Variants in ARID1B observed in about 807,000 individuals in gnomAD.
ARID1B encodes the protein AT-rich interactive domain-containing protein 1B.
Under a neutral mutation model 212.3 loss-of-function variants are expected in ARID1B, and 30 were observed. The ratio of observed to expected loss-of-function variants is 0.14; its 90% CI spans 0.11 to 0.19. ARID1B has a LOEUF of 0.19. Among genes scored for constraint, ARID1B ranks in the 10% least tolerant of loss-of-function variants. ARID1B has a pLI of 1.00. For missense variants in ARID1B, 2,891 were observed against 3,204.0 expected, an observed-to-expected ratio of 0.90 and a Z score of 2.36; for synonymous variants, 1,402 against 1,301.7, an observed-to-expected ratio of 1.08 and a Z score of -1.66.
chr6:156,803,217 C>T (rs1247168955), intron 1 of ARID1B, among the ~76,000 whole-genome samples: 1 of 152,076 alleles, frequency 6.6e-6, no homozygotes, highest in Non-Finnish European at 1.5e-5. Context: ...TGGTCTTGTA[C>T]ATTTATTAAG....
rs1491291654 is a variant in ARID1B at position 156,896,600 on chromosome 6, A to AAAAAG, written c.1987-4776_1987-4775insAAAAG. Among the ~76,000 whole-genome samples, 276 of 146,278 alleles carry AAAAAG rather than the reference A, an allele frequency of 1.9e-3. 3 individuals are homozygous for AAAAAG. Among genetic ancestry groups the AAAAAG allele is most frequent in the African/African-American group, 6.8e-3 (264 of 38,796 alleles). ...TCAAAAAAAAAAAAAAAAAAAAAAA[A>AAAAAG]GAGGACACAGTGGCTCACGCCTGTA... On this transcript the variant is annotated intron_variant, in intron 2 of 19. Coordinates refer to ENST00000636930, the MANE Select transcript of ARID1B (RefSeq NM_001374828.1).
At chr6:157,067,958 A>G (rs1054907837) in intron 4 of ARID1B, among the ~76,000 whole-genome samples, 12 of 152,224 alleles carry the variant, frequency 7.9e-5, no homozygotes, top group Non-Finnish European at 1.3e-4. Flanking sequence ...ACCTAAAACA[A>G]TCGTAGGTAC....
At chr6:156,944,219 A>G (rs77739166) in intron 4 of ARID1B, among the ~76,000 whole-genome samples, 9,650 of 152,266 alleles carry the variant, frequency 0.063, 366 homozygotes, top group Non-Finnish European at 0.075. Context: ...GTGCGGGTAC[A>G]TTGAAATCTT....
chr6:156,957,544 T>TGA (rs1171235343), intron 4 of ARID1B, among the ~76,000 whole-genome samples: 2 of 152,302 alleles, frequency 1.3e-5, no homozygotes, highest in East Asian at 3.9e-4. Flanking sequence ...ACTTGGCATC[T>TGA]TTCTCATAGC....
chr6:156,847,927 G>A (rs995810363), intron 2 of ARID1B, among the ~76,000 whole-genome samples: 5 of 152,084 alleles, frequency 3.3e-5, no homozygotes, highest in African/African-American at 1.2e-4. Context: ...TCAGAGCAAG[G>A]GTGTTGTAAT....
chr6:157,026,851 G>A (rs1780698118), intron 4 of ARID1B, among the ~76,000 whole-genome samples: 1 of 152,140 alleles, frequency 6.6e-6, no homozygotes, highest in Admixed American at 6.5e-5. Context: ...GTGAAGGGGA[G>A]CAGAGTGGAA....
intron 4 of ARID1B, among the ~76,000 whole-genome samples, chr6:156,958,122 C>G (rs1794101095): frequency 6.6e-6 from 1 of 152,208 alleles, no homozygotes; most frequent in Non-Finnish European, 1.5e-5. Context: ...CCACATCCAT[C>G]CCACTGCACA....
At chr6:157,123,129 T>C (rs1787861566) in intron 6 of ARID1B, among the ~76,000 whole-genome samples, 1 of 151,708 alleles carries the variant, frequency 6.6e-6, no homozygotes, top group Non-Finnish European at 1.5e-5. Context: ...TCAGGGCCCT[T>C]CTCCTCACAT....
At chr6:157,173,951 G>A in intron 9 of ARID1B, 57 bp from the exon 10 acceptor site, 2 of 1,469,366 alleles carry the variant, frequency 1.4e-6, no homozygotes, top group Non-Finnish European at 1.9e-6. Flanking sequence ...GTTGGCAGGA[G>A]TACAGTCTGA....
At chr6:156,892,038 ATTTTCTTTTTTTTTTTT>A (rs1359927227) in intron 2 of ARID1B, among the ~76,000 whole-genome samples, 48 of 127,594 alleles carry the variant, frequency 3.8e-4, no homozygotes, top group East Asian at 2.7e-3. Flanking sequence ...CACCCAGCGA[ATTTTCTTTTTTTTTTTT>A]TTTTCTTTTT....
intron 4 of ARID1B, among the ~76,000 whole-genome samples, chr6:157,004,909 T>TTG (rs1562542354): frequency 3.4e-4 from 38 of 112,606 alleles, no homozygotes; most frequent in Non-Finnish European, 3.5e-4. Flanking sequence ...TTTTTTTTTT[T>TTG]TTTTTTTTTT....
chr6:156,895,897 T>C (rs536275969), intron 2 of ARID1B, among the ~76,000 whole-genome samples: 24 of 152,380 alleles, frequency 1.6e-4, no homozygotes, highest in Middle Eastern at 3.4e-3. Flanking sequence ...TTCTATACTT[T>C]TGCTACATGT....
intron 4 of ARID1B, among the ~76,000 whole-genome samples, chr6:156,981,747 A>G (rs1777616369): frequency 6.6e-6 from 1 of 152,128 alleles, no homozygotes; most frequent in Non-Finnish European, 1.5e-5. Context: ...GCATTATACT[A>G]TACTTATACT....
At chr6:157,079,808 C>A (rs945619764) in intron 4 of ARID1B, among the ~76,000 whole-genome samples, 2 of 151,956 alleles carry the variant, frequency 1.3e-5, no homozygotes, top group Admixed American at 6.5e-5. Context: ...GCACTTGGCA[C>A]AAGAAGTCAC....
At chr6:157,080,391 C>G (rs1784567423) in intron 4 of ARID1B, among the ~76,000 whole-genome samples, 1 of 152,144 alleles carries the variant, frequency 6.6e-6, no homozygotes, top group Admixed American at 6.5e-5. Context: ...ACCATCAAAA[C>G]CAAATATGTC....
chr6:157,061,035 G>A (rs896499870), intron 4 of ARID1B, among the ~76,000 whole-genome samples: 1 of 152,168 alleles, frequency 6.6e-6, no homozygotes, highest in Non-Finnish European at 1.5e-5. Context: ...GATGGGCAGA[G>A]GGTCTTGTGT....
rs2114952623 is a variant in ARID1B at position 156,777,756 on chromosome 6, C to T, written c.76C>T (p.Arg26Trp). ...GGCGCGGGCAGGCAGCGGCGAACGGCGGGCGCCCCCCGGGCCGCGGCCGGC... is the reference window on the plus strand; with the variant it reads ...GGCGCGGGCAGGCAGCGGCGAACGGTGGGCGCCCCCCGGGCCGCGGCCGGC... ...ARARAGSGER[R>W]APPGPRPAPG... The change falls in exon 1 of 20, where the codon CGG becomes TGG. Residue 26 changes from arginine to tryptophan, a missense_variant. Arg to Trp is a moderately radical substitution (Grantham distance 101). Around this residue, in one of 7 missense-constraint regions of ARID1B, gnomAD observed 1,643 missense variants for 1,544.0 expected, o/e 1.06. Transcript: ENST00000636930. 1.1e-5 allele frequency: 6 copies of T among 542,412 alleles called. No individual in the cohort carries two copies. The highest frequency in any genetic ancestry group is 8.0e-5 in the South Asian group (1 of 12,538). The allele number at this position is 542,412 out of a possible 1,614,324, so 33.6% of individuals were successfully genotyped here. A position where few individuals can be genotyped will look rare whatever the true frequency, so the allele number is the denominator to read the frequency against.
intron 4 of ARID1B, among the ~76,000 whole-genome samples, chr6:157,057,593 AT>A: frequency 6.6e-6 from 1 of 152,238 alleles, no homozygotes. Context: ...TTGGCACGTT[AT>A]TTTGAATTTA....
rs569750806 is a variant in ARID1B, at chr6:156,778,829, C to A, written c.1149C>A (p.Gly383=). 2.1e-6 allele frequency: 3 copies of A among 1,441,390 alleles called. No individual in the cohort carries two copies. Among genetic ancestry groups the A allele is most frequent in the Non-Finnish European group, 1.8e-6 (2 of 1,092,834 alleles). The allele number at this position is 1,441,390 out of a possible 1,614,324, so 89.3% of individuals were successfully genotyped here. ...ACAGCCAGTGCAACCATTATCCGGG[C>A]TACAGCCGGCCCGGCGCGGGCGGCG... is the stretch of plus-strand genomic sequence containing the variant. ...YPNSQCNHYP[G]YSRPGAGGGG... is the part of the protein sequence containing the mutation. The change falls in exon 1 of 20, where the codon GGC becomes GGA. Residue 383 remains glycine (G), a synonymous_variant. Transcript: ENST00000636930.
Sources: allele counts gnomAD v4.1 joint callset (sites outside exome capture counted in the v4.1 genomes callset), GRCh38; gene constraint gnomAD v4.1.1; regional missense constraint gnomAD v4.1.1; transcripts MANE v1.5; gene names NCBI Gene and HGNC (gene_info 2026-07-23, HGNC 2026-07-21).